Variants in MACROD2 observed in about 807,000 individuals in gnomAD.
The protein encoded by MACROD2 is ADP-ribose glycohydrolase MACROD2.
Under a neutral mutation model 70.4 loss-of-function variants are expected in MACROD2, and 36 were observed. The ratio of observed to expected loss-of-function variants is 0.51; its 90% CI spans 0.39 to 0.68. MACROD2 has a LOEUF of 0.68. Ranked by LOEUF, MACROD2 falls within the 30% of genes least tolerant of loss-of-function variation. The pLI is 0.00. For missense variants in MACROD2, 496 were observed against 538.4 expected (o/e 0.92, Z 0.78); for synonymous variants, 172 against 178.8 (o/e 0.96, Z 0.30).
At chr20:15,655,000 G>A (rs997889461) in intron 8 of MACROD2, among the ~76,000 whole-genome samples, 9 of 152,096 alleles carry the variant, frequency 5.9e-5, no homozygotes, top group Non-Finnish European at 1.0e-4. Context: ...GCTTCTCCAC[G>A]GACTGCACTA....
At chr20:14,542,010 A>G (rs944197246) in intron 4 of MACROD2, among the ~76,000 whole-genome samples, 13 of 152,262 alleles carry the variant, frequency 8.5e-5, no homozygotes, top group Non-Finnish European at 1.5e-4. Flanking sequence ...TTTAAAATGT[A>G]TAATTTCATT....
At chr20:14,055,380 GTCTT>G (rs2148651788) in intron 2 of MACROD2, among the ~76,000 whole-genome samples, 1 of 151,816 alleles carries the variant, frequency 6.6e-6, no homozygotes, top group South Asian at 2.1e-4. Flanking sequence ...GCCTGTTACA[GTCTT>G]TCTCTTTTGA....
chr20:14,708,562 G>C (rs1250514590), intron 5 of MACROD2, among the ~76,000 whole-genome samples: 1 of 151,964 alleles, frequency 6.6e-6, no homozygotes, highest in Non-Finnish European at 1.5e-5. Flanking sequence ...ATATTTCAAA[G>C]TAATATCCAT....
At chr20:15,388,621 A>G (rs2045751919) in intron 6 of MACROD2, among the ~76,000 whole-genome samples, 1 of 152,176 alleles carries the variant, frequency 6.6e-6, no homozygotes, top group Non-Finnish European at 1.5e-5. Flanking sequence ...TATTTGCTAG[A>G]TCAGCAACCC....
intron 8 of MACROD2, among the ~76,000 whole-genome samples, chr20:15,722,582 A>G (rs1301303110): frequency 6.6e-6 from 1 of 152,016 alleles, no homozygotes; most frequent in Non-Finnish European, 1.5e-5. Context: ...TGTATTTTTC[A>G]TATTTATTTG....
chr20:16,041,684 G>A (rs2067310078), intron 16 of MACROD2, among the ~76,000 whole-genome samples: 1 of 151,968 alleles, frequency 6.6e-6, no homozygotes, highest in Admixed American at 6.6e-5. Context: ...TGTGGGCTAA[G>A]ATTGTTCTTG....
intron 6 of MACROD2, among the ~76,000 whole-genome samples, chr20:15,378,214 G>T (rs1282779084): frequency 6.8e-6 from 1 of 147,008 alleles, no homozygotes; most frequent in African/African-American, 2.5e-5. Context: ...GGGCCAGGGG[G>T]ATTCGTTTTC....
chr20:14,699,730 C>T (rs2071169899), intron 5 of MACROD2, among the ~76,000 whole-genome samples: 1 of 152,068 alleles, frequency 6.6e-6, no homozygotes, highest in Non-Finnish European at 1.5e-5. Context: ...TTCTTTTCCT[C>T]AAGCATCAAC....
chr20:15,031,159 T>A lies in MACROD2; in HGVS notation c.419-198781T>A, dbSNP rs575511507. On this transcript the variant is annotated intron_variant, in intron 5 of 17. Coordinates refer to ENST00000684519, the MANE Select transcript of MACROD2 (RefSeq NM_001351661.2). The stretch of plus-strand genomic sequence containing the variant: ...AAGGCTCCAGCTGAACCAGGCATAC[T>A]GCAAATGGCTTCCGCTGTGGACGTC... Among the ~76,000 whole-genome samples, 8 of 152,304 alleles carry A rather than the reference T, an allele frequency of 5.3e-5. No individual in the cohort carries two copies. In the East Asian group the frequency reaches 1.5e-3, roughly 29 times the overall value.
At chr20:15,184,651 C>T (rs930630707) in intron 5 of MACROD2, among the ~76,000 whole-genome samples, 4 of 152,176 alleles carry the variant, frequency 2.6e-5, no homozygotes, top group African/African-American at 9.7e-5. Flanking sequence ...GAGTGGCCTT[C>T]ACAGCTTTCA....
chr20:15,038,326 G>A (rs1201739778), intron 5 of MACROD2, among the ~76,000 whole-genome samples: 1 of 152,124 alleles, frequency 6.6e-6, no homozygotes, highest in African/African-American at 2.4e-5. Flanking sequence ...TTCAAGAAAA[G>A]AATATGGAGT....
intron 3 of MACROD2, among the ~76,000 whole-genome samples, chr20:14,461,572 T>A (rs919527595): frequency 6.6e-6 from 1 of 151,916 alleles, no homozygotes. Flanking sequence ...TTGTTACATA[T>A]GTATACCTGT....
chr20:14,485,859 T>A (rs1230550962), intron 3 of MACROD2, among the ~76,000 whole-genome samples: 1 of 151,918 alleles, frequency 6.6e-6, no homozygotes, highest in Non-Finnish European at 1.5e-5. Context: ...TATACTTACA[T>A]GTTTTATGTT....
At chr20:15,594,281 T>C (rs6043382) in intron 8 of MACROD2, among the ~76,000 whole-genome samples, 7,414 of 152,258 alleles carry the variant, frequency 0.049, 608 homozygotes, top group African/African-American at 0.17. Flanking sequence ...TTGAAAGGCC[T>C]ATTTGTGTTG....
intron 7 of MACROD2, among the ~76,000 whole-genome samples, chr20:15,483,530 G>A (rs1176034490): frequency 6.6e-6 from 1 of 152,012 alleles, no homozygotes; most frequent in Non-Finnish European, 1.5e-5. Context: ...GCTATTCTGG[G>A]GCTTTTATCT....
intron 3 of MACROD2, chr20:14,324,843 T>C (rs2082708355): frequency 6.6e-6 from 1 of 152,304 alleles, no homozygotes; most frequent in South Asian, 2.1e-4. Context: ...AGTCCTTTAT[T>C]TTCAAAGCTT....
intron 4 of MACROD2, among the ~76,000 whole-genome samples, chr20:14,649,798 C>T (rs1396664647): frequency 6.6e-6 from 1 of 152,092 alleles, no homozygotes; most frequent in East Asian, 1.9e-4. Context: ...AGGCTAATAC[C>T]AGGGCCCTCC....
chr20:16,040,734 C>G (rs1169916917), intron 15 of MACROD2, among the ~76,000 whole-genome samples: 1 of 151,912 alleles, frequency 6.6e-6, no homozygotes. Flanking sequence ...GTTTAAAAAA[C>G]AAACAACAAC....
intron 4 of MACROD2, among the ~76,000 whole-genome samples, chr20:14,597,852 C>T (rs1982244942): frequency 6.6e-6 from 1 of 151,978 alleles, no homozygotes; most frequent in African/African-American, 2.4e-5. Flanking sequence ...TTGACATGAA[C>T]ATAGATTCAA....
Sources: allele counts gnomAD v4.1 joint callset (sites outside exome capture counted in the v4.1 genomes callset), GRCh38; gene constraint gnomAD v4.1.1; transcripts MANE v1.5; gene names NCBI Gene and HGNC (gene_info 2026-07-23, HGNC 2026-07-21).